Variants in CDH2 observed in about 807,000 individuals in gnomAD.
CDH2 encodes the protein cadherin 2, also known as cadherin-2.
A neutral mutation model predicts 92.0 loss-of-function variants in CDH2; 17 were observed. That is an observed-to-expected ratio of 0.18 (90% CI 0.13 to 0.28). CDH2 has a LOEUF of 0.28. Ranked by LOEUF, CDH2 falls within the 10% of genes least tolerant of loss-of-function variation. The pLI, the probability that CDH2 is intolerant of heterozygous loss-of-function variation, is 1.00. For synonymous variants in CDH2, 419 were observed against 415.9 expected, an observed-to-expected ratio of 1.01 and a Z score of -0.09; for missense variants, 862 against 1,133.1, an observed-to-expected ratio of 0.76 and a Z score of 3.44.
chr18:28,086,841 G>A (rs1599090402), intron 2 of CDH2, among the ~76,000 whole-genome samples: 1 of 152,110 alleles, frequency 6.6e-6, no homozygotes, highest in African/African-American at 2.4e-5. Context: ...GAGTCATAAT[G>A]AGTTCTTTTC....
intron 2 of CDH2, among the ~76,000 whole-genome samples, chr18:28,102,133 C>T (rs2015237222): frequency 6.6e-6 from 1 of 152,098 alleles, no homozygotes; most frequent in Non-Finnish European, 1.5e-5. Context: ...TCCTACTTTT[C>T]CAGTTAGAAG....
chr18:27,960,602 G>A (rs1285474181), intron 15 of CDH2, among the ~76,000 whole-genome samples: 1 of 152,144 alleles, frequency 6.6e-6, no homozygotes, highest in Non-Finnish European at 1.5e-5. Flanking sequence ...ACAAAGTAGG[G>A]TATACACACA....
At chr18:28,163,213 T>C (rs933312498) in intron 1 of CDH2, among the ~76,000 whole-genome samples, 5 of 152,248 alleles carry the variant, frequency 3.3e-5, no homozygotes, top group African/African-American at 1.2e-4. Flanking sequence ...TTTTTTTAAA[T>C]GTTGAGGTTT....
Position 28,176,958 on chromosome 18 carries a change from C to A in CDH2, c.60+5G>T. The A allele has an allele frequency of 7.2e-7, 1 of 1,381,404 alleles. No individual in the cohort carries two copies. The highest frequency in any genetic ancestry group is 9.4e-7 in the Non-Finnish European group (1 of 1,064,768). The allele number at this position is 1,381,404 out of a possible 1,614,324, so 85.6% of individuals were successfully genotyped here. A position where few individuals can be genotyped will look rare whatever the true frequency, so the allele number is the denominator to read the frequency against. On this transcript the variant is annotated splice_donor_5th_base_variant and intron_variant, in intron 1 of 15. Coordinates refer to ENST00000269141, the MANE Select transcript of CDH2 (RefSeq NM_001792.5). ...GTGGCCCGGCCCGCGGGGACCGCCG[C>A]GTACCTGAAGCAGGGCCGCCAGCAG... is the stretch of plus-strand genomic sequence containing the variant.
intron 2 of CDH2, among the ~76,000 whole-genome samples, chr18:28,058,019 G>C (rs1239783679): frequency 6.6e-6 from 1 of 152,150 alleles, no homozygotes; most frequent in Non-Finnish European, 1.5e-5. Context: ...ATCTTGGGAA[G>C]ATAATCAAAA....
intron 2 of CDH2, among the ~76,000 whole-genome samples, chr18:28,062,241 G>A (rs2144148218): frequency 6.6e-6 from 1 of 152,194 alleles, no homozygotes; most frequent in East Asian, 1.9e-4. Context: ...ATTGAAAAGT[G>A]GCTAAAATTA....
intron 2 of CDH2, among the ~76,000 whole-genome samples, chr18:28,066,246 C>T (rs1341571939): frequency 6.6e-6 from 1 of 152,124 alleles, no homozygotes; most frequent in Non-Finnish European, 1.5e-5. Context: ...CAGACACTTA[C>T]TAAATATAAA....
Position 27,952,020 on chromosome 18 carries a change from G to A in CDH2, c.*133C>T, listed in dbSNP as rs200446668. ...ATTCCCTCTGAGCCCAAATTGGTTT[G>A]CAGCCTATGCCAAAGCCTCCAGCAA... On this transcript the variant is annotated 3_prime_UTR_variant, in exon 16 of 16. Coordinates refer to ENST00000269141, the MANE Select transcript of CDH2 (RefSeq NM_001792.5). 28 of 751,472 alleles carry A rather than the reference G, an allele frequency of 3.7e-5. No homozygotes were observed. The East Asian group carries it at 6.9e-4, about 19-fold the overall frequency. The allele number at this position is 751,472 out of a possible 1,614,324, so 46.6% of individuals were successfully genotyped here. A position where few individuals can be genotyped will look rare whatever the true frequency, so the allele number is the denominator to read the frequency against.
chr18:28,166,354 A>G (rs1394028098), intron 1 of CDH2, among the ~76,000 whole-genome samples: 1 of 151,834 alleles, frequency 6.6e-6, no homozygotes, highest in African/African-American at 2.4e-5. Context: ...GTTTGAGTAC[A>G]CCACTATCTC....
At chr18:27,945,067 C>G (rs1909236010) in intron 6 of CDH2, among the ~76,000 whole-genome samples, 1 of 152,084 alleles carries the variant, frequency 6.6e-6, no homozygotes, top group Non-Finnish European at 1.5e-5. Context: ...TACAAATAAT[C>G]TCTCTCAAAC....
intron 15 of CDH2, among the ~76,000 whole-genome samples, chr18:27,956,901 A>T (rs2143866423): frequency 6.6e-6 from 1 of 152,294 alleles, no homozygotes; most frequent in Middle Eastern, 3.4e-3. Flanking sequence ...CTGTTGGGTA[A>T]CCTACAGCAT....
At chr18:28,110,915 G>T (rs1054217061) in intron 2 of CDH2, among the ~76,000 whole-genome samples, 5 of 151,960 alleles carry the variant, frequency 3.3e-5, no homozygotes, top group African/African-American at 1.2e-4. Flanking sequence ...CTCTCTCCGG[G>T]GTCCACTTCT....
chr18:28,167,176 AG>A (rs1447416273), intron 1 of CDH2, among the ~76,000 whole-genome samples: 1 of 152,100 alleles, frequency 6.6e-6, no homozygotes, highest in Non-Finnish European at 1.5e-5. Context: ...AAAGATATTT[AG>A]TTCTTTGTCT....
chr18:28,037,042 T>C (rs2013846693), intron 2 of CDH2, among the ~76,000 whole-genome samples: 1 of 152,128 alleles, frequency 6.6e-6, no homozygotes, highest in African/African-American at 2.4e-5. Context: ...AAGTCAATAA[T>C]ATATATGCTT....
chr18:27,994,507 T>G (rs963595301), intron 7 of CDH2, among the ~76,000 whole-genome samples: 1 of 152,250 alleles, frequency 6.6e-6, no homozygotes, highest in Non-Finnish European at 1.5e-5. Context: ...TGAGTAAGTT[T>G]TATATTAGGA....
At chr18:28,139,428 G>T (rs563057202) in intron 2 of CDH2, among the ~76,000 whole-genome samples, 1 of 151,890 alleles carries the variant, frequency 6.6e-6, no homozygotes, top group Non-Finnish European at 1.5e-5. Flanking sequence ...TTTTAATGAA[G>T]AACTCAATCT....
At chr18:27,937,210 A>G (rs985638856) in intron 6 of CDH2, among the ~76,000 whole-genome samples, 1 of 152,302 alleles carries the variant, frequency 6.6e-6, no homozygotes, top group Middle Eastern at 3.4e-3. Flanking sequence ...AAATTTTGCT[A>G]TATTAGAGGT....
rs1555649229 is a variant in CDH2 at position 28,177,057 on chromosome 18, A to AGGCGGAGGAGGC, written c.-36_-35insGCCTCCTCCGCC. 1 of 1,302,322 alleles carries AGGCGGAGGAGGC rather than the reference A, an allele frequency of 7.7e-7. No individual in the cohort carries two copies. The highest frequency in any genetic ancestry group is 1.6e-5 in the African/African-American group (1 of 63,002). The allele number at this position is 1,302,322 out of a possible 1,614,324, so 80.7% of individuals were successfully genotyped here. On this transcript the variant is annotated 5_prime_UTR_variant, in exon 1 of 16. Transcript: ENST00000269141. The stretch of plus-strand genomic sequence containing the variant: ...GAGGGGCCGAGCGAAGAGCCGGAGG[A>AGGCGGAGGAGGC]GGCGGCGGCGGCGGCGGCGGCGGCG...
rs548473345 is a variant in CDH2, at chr18:27,982,871, T to C, written c.2349+73A>G. 1.3e-4 allele frequency: 119 copies of C among 914,032 alleles called. 5 individuals are homozygous for C. The South Asian group carries it at 2.3e-3, about 17-fold the overall frequency. The allele number at this position is 914,032 out of a possible 1,614,324, so 56.6% of individuals were successfully genotyped here. On this transcript the variant is annotated intron_variant, in intron 14 of 15. Coordinates refer to ENST00000269141, the MANE Select transcript of CDH2 (RefSeq NM_001792.5). ...AAACCTGATACCATTTTCTTACTGA[T>C]GTATTAACACTTCCCACTATTAAAT...
Sources: allele counts gnomAD v4.1 joint callset (sites outside exome capture counted in the v4.1 genomes callset), GRCh38; gene constraint gnomAD v4.1.1; transcripts MANE v1.5; gene names NCBI Gene and HGNC (gene_info 2026-07-23, HGNC 2026-07-21).